The following PLPP4 variants were observed in gnomAD, a reference collection of about 807,000 sequenced individuals.
PLPP4 encodes diacylglycerol pyrophosphate like 2.
PLPP4 carries 20 observed loss-of-function variants against 32.2 expected under a neutral mutation model. The observed-to-expected ratio is 0.62, with a 90% CI of 0.44 to 0.90. PLPP4 has a LOEUF of 0.90. PLPP4 is among the 40% of genes least tolerant of loss of function. The pLI is 0.00. For missense variants in PLPP4, 257 were observed against 353.1 expected (o/e 0.73, Z 2.18); for synonymous variants, 127 against 133.0 (o/e 0.95, Z 0.31).
rs546898243 is a variant in PLPP4 at position 120,467,439 on chromosome 10, G to C, written c.56+10078G>C. On this transcript the variant is annotated intron_variant, in intron 1 of 6. Transcript: ENST00000398250. The stretch of plus-strand genomic sequence containing the variant: ...TCTATCATCACCTTGGTTATAGGAA[G>C]GCAGGGAGGTGGAGAAGGAGACACC... Among the ~76,000 whole-genome samples, 61 of 63,968 alleles carry C rather than the reference G, an allele frequency of 9.5e-4. 26 individuals carry two copies. In the South Asian group the frequency reaches 0.033, roughly 34 times the overall value. The allele number at this position is 63,968 out of a possible 152,430, so 42.0% of individuals were successfully genotyped here.
intron 1 of PLPP4, among the ~76,000 whole-genome samples, chr10:120,463,693 G>C (rs1374337996): frequency 6.6e-6 from 1 of 152,114 alleles, no homozygotes; most frequent in South Asian, 2.1e-4. Flanking sequence ...ATTTTGTTTT[G>C]TTTTATTTTG....
intron 2 of PLPP4, among the ~76,000 whole-genome samples, chr10:120,505,031 A>C (rs1055416418): frequency 1.3e-5 from 2 of 152,248 alleles, no homozygotes; most frequent in African/African-American, 4.8e-5. Context: ...AACCTTTTAC[A>C]TTTCACTGCC....
At chr10:120,536,564 T>G (rs901430307) in intron 5 of PLPP4, among the ~76,000 whole-genome samples, 2 of 147,138 alleles carry the variant, frequency 1.4e-5, no homozygotes, top group Non-Finnish European at 3.0e-5. Context: ...GATTTAAACA[T>G]AAAACCTGAA....
rs1451255467 is a variant in PLPP4 at position 120,520,841 on chromosome 10, G to A, written c.321-130G>A. The A allele has an allele frequency of 2.7e-6, 3 of 1,115,550 alleles. No homozygotes were observed. The African/African-American group carries it at 4.7e-5, about 17-fold the overall frequency. 69.1% of individuals were successfully genotyped at this position (1,115,550 alleles called of 1,614,324 possible). A position where few individuals can be genotyped will look rare whatever the true frequency, so the allele number is the denominator to read the frequency against. ...CGGCTGTGTCTAGAGTATTCTGTGA[G>A]GAGCTCCAGTGTTGACAGCCAAGGG... On this transcript the variant is annotated intron_variant, in intron 4 of 6. Transcript: ENST00000398250.
chr10:120,528,069 G>GTTTTGT (rs1846490532), intron 5 of PLPP4, among the ~76,000 whole-genome samples: 1 of 84,270 alleles, frequency 1.2e-5, no homozygotes, highest in African/African-American at 4.8e-5. Context: ...ACCACTCTCC[G>GTTTTGT]TTTTTTTTTT....
At chr10:120,479,842 A>G (rs1428641464) in intron 1 of PLPP4, among the ~76,000 whole-genome samples, 3 of 152,170 alleles carry the variant, frequency 2.0e-5, no homozygotes, top group African/African-American at 7.2e-5. Context: ...TCTTGTTCTG[A>G]TGAGGTATGA....
intron 5 of PLPP4, among the ~76,000 whole-genome samples, chr10:120,527,615 T>C (rs1202127548): frequency 6.6e-6 from 1 of 152,206 alleles, no homozygotes; most frequent in Non-Finnish European, 1.5e-5. Flanking sequence ...CCTTTCTTCC[T>C]GCATCATTTT....
intron 6 of PLPP4, among the ~76,000 whole-genome samples, chr10:120,580,115 CAAAAAAAAA>C (rs10609637): frequency 0.072 from 6,573 of 91,786 alleles, 202 homozygotes; most frequent in Admixed American, 0.13. Context: ...GCGAGACTCT[CAAAAAAAAA>C]AAAAAAAAAA....
At chr10:120,511,823 G>A (rs545424951) in intron 2 of PLPP4, among the ~76,000 whole-genome samples, 28 of 152,294 alleles carry the variant, frequency 1.8e-4, no homozygotes, top group Non-Finnish European at 4.1e-4. Flanking sequence ...GCCAGGTGCG[G>A]TGGCTCACAC....
chr10:120,502,892 C>T lies in PLPP4; in HGVS notation c.57-926C>T, dbSNP rs531271162. Among the ~76,000 whole-genome samples the T allele has an allele frequency of 3.9e-5, 6 of 152,302 alleles. No homozygotes were observed. In the East Asian group the frequency reaches 1.2e-3, roughly 29 times the overall value. ...AGCTTTCTCCTCCTCTCCCGCTCCC[C>T]TGCGCTCCTCATCTTGGATCATGGA... On this transcript the variant is annotated intron_variant, in intron 1 of 6. Transcript: ENST00000398250.
chr10:120,520,906 GT>G, intron 4 of PLPP4, 64 bp from the exon 5 acceptor site: 1 of 1,592,198 alleles, frequency 6.3e-7, no homozygotes, highest in Non-Finnish European at 8.6e-7. Flanking sequence ...AGTTGGGGGG[GT>G]CAGCTTGGGG....
At chr10:120,540,268 T>G (rs1438313557) in intron 5 of PLPP4, among the ~76,000 whole-genome samples, 14 of 152,310 alleles carry the variant, frequency 9.2e-5, no homozygotes, top group Middle Eastern at 3.4e-3. Context: ...TGGCTAAGGT[T>G]TTAACTGCTA....
chr10:120,514,661 T>C (rs1327774696), intron 3 of PLPP4, among the ~76,000 whole-genome samples: 1 of 152,168 alleles, frequency 6.6e-6, no homozygotes, highest in African/African-American at 2.4e-5. Context: ...CTGGTCTTCA[T>C]GATAATCAAA....
chr10:120,522,433 C>T (rs1385009485), intron 5 of PLPP4, among the ~76,000 whole-genome samples: 1 of 152,184 alleles, frequency 6.6e-6, no homozygotes, highest in Non-Finnish European at 1.5e-5. Flanking sequence ...CATAAGGGCA[C>T]TGAGGATCAG....
intron 5 of PLPP4, among the ~76,000 whole-genome samples, chr10:120,531,116 GT>G (rs1846695625): frequency 1.5e-5 from 2 of 132,278 alleles, no homozygotes; most frequent in Admixed American, 1.7e-4. Flanking sequence ...TTGAGACGGA[GT>G]CTTGCTTTGT....
At chr10:120,485,531 C>A (rs781449897) in intron 1 of PLPP4, among the ~76,000 whole-genome samples, 2 of 152,210 alleles carry the variant, frequency 1.3e-5, no homozygotes, top group Non-Finnish European at 2.9e-5. Flanking sequence ...GCTTAACTCA[C>A]ACCAAATAGC....
At chr10:120,466,755 C>T (rs1274110149) in intron 1 of PLPP4, among the ~76,000 whole-genome samples, 4 of 70,432 alleles carry the variant, frequency 5.7e-5, no homozygotes, top group East Asian at 1.2e-3. Flanking sequence ...GTCTGTTAAA[C>T]GGGTACACTC....
chr10:120,506,053 C>T (rs1239173096), intron 2 of PLPP4, among the ~76,000 whole-genome samples: 3 of 152,202 alleles, frequency 2.0e-5, no homozygotes, highest in South Asian at 2.1e-4. Context: ...TGGCTACAGA[C>T]GTAAATACGA....
At chr10:120,482,853 T>C (rs1275654387) in intron 1 of PLPP4, among the ~76,000 whole-genome samples, 1 of 152,000 alleles carries the variant, frequency 6.6e-6, no homozygotes, top group Admixed American at 6.6e-5. Flanking sequence ...CGGAGCTTGC[T>C]GTGAGCCGAG....
Sources: gnomAD v4.1 joint callset for allele counts (sites outside exome capture counted in the v4.1 genomes callset) on GRCh38, gnomAD v4.1.1 for gene constraint, MANE v1.5 for transcripts, NCBI Gene and HGNC (gene_info 2026-07-23, HGNC 2026-07-21) for gene names.